Variants in CFAP97D2 observed in about 807,000 individuals in gnomAD.
CFAP97D2 encodes the protein uncharacterized protein CFAP97D2.
chr13:114,202,773 GC>G, intron 3 of CFAP97D2, among the ~76,000 whole-genome samples: 1 of 152,332 alleles, frequency 6.6e-6, no homozygotes, highest in African/African-American at 2.4e-5. Context: ...TGGATGCTTA[GC>G]CTGCAGCCTT....
intron 3 of CFAP97D2, among the ~76,000 whole-genome samples, chr13:114,202,200 T>C (rs946692921): frequency 6.6e-6 from 1 of 152,248 alleles, no homozygotes; most frequent in Admixed American, 6.5e-5. Context: ...CATTCACCTG[T>C]TGATGAGCAT....
chr13:114,192,036 TATGGAGACA>T (rs1384614520), intron 1 of CFAP97D2, among the ~76,000 whole-genome samples: 1 of 112,806 alleles, frequency 8.9e-6, no homozygotes, highest in Non-Finnish European at 1.6e-5. Context: ...CAAAGTTTAC[TATGGAGACA>T]GTAAAAAGAT....
chr13:114,206,315 C>T (rs376207143), intron 3 of CFAP97D2, among the ~76,000 whole-genome samples: 1 of 152,230 alleles, frequency 6.6e-6, no homozygotes, highest in East Asian at 1.9e-4. Flanking sequence ...GTTGGCCAGG[C>T]TGGTCTTGAA....
chr13:114,222,691 A>G, downstream of CFAP97D2: 1 of 394,308 alleles, frequency 2.5e-6, no homozygotes, highest in Non-Finnish European at 4.5e-6. This position sits in a 1 kb window ranked among gnomAD's most constrained non-coding sequence, Gnocchi z 4.4. Flanking sequence ...AGTGTGGGGA[A>G]TCAGCCTTGC....
chr13:114,184,973 C>T (rs1037506356), intron 1 of CFAP97D2, among the ~76,000 whole-genome samples: 3 of 152,154 alleles, frequency 2.0e-5, no homozygotes, highest in South Asian at 2.1e-4. Context: ...ATAAGTGAAA[C>T]GAATAAGCAG....
In CFAP97D2 at chr13:114,207,278, C is replaced by T. The variant is rs189116959; in HGVS notation, c.291-4634C>T. 2.7e-3 allele frequency among the ~76,000 whole-genome samples: 413 copies of T among 152,268 alleles called. 3 individuals carry two copies. The highest frequency in any genetic ancestry group is 4.7e-3 in the Non-Finnish European group (322 of 68,014). ...GGGGTTTATTTGCCACCATTGAGGA[C>T]GCTACTGGGATACGGCATGGACAGC... On this transcript the variant is annotated intron_variant, in intron 3 of 4. Coordinates refer to ENST00000646158, the Ensembl canonical transcript of CFAP97D2. This position sits in a 1 kb window ranked among gnomAD's most constrained non-coding sequence, Gnocchi z 4.9.
rs913555822 is a variant in CFAP97D2, at chr13:114,187,215, A to C, written c.90+7795A>C. Among the ~76,000 whole-genome samples, 1 of 152,214 alleles carries C rather than the reference A, an allele frequency of 6.6e-6. No individual in the cohort carries two copies. The highest frequency in any genetic ancestry group is 2.4e-5 in the African/African-American group (1 of 41,444). On this transcript the variant is annotated intron_variant, in intron 1 of 4. Coordinates refer to ENST00000646158, the Ensembl canonical transcript of CFAP97D2. This position sits in a 1 kb window ranked among gnomAD's most constrained non-coding sequence, Gnocchi z 4.2. The stretch of plus-strand genomic sequence containing the variant: ...TAAACTAAGAAGGGAGAGAAAATGG[A>C]ATCATATAAAATGCTCAATTAAAAC...
chr13:114,182,131 T>C (rs558228000), intron 1 of CFAP97D2, among the ~76,000 whole-genome samples: 118 of 147,608 alleles, frequency 8.0e-4, no homozygotes, highest in Middle Eastern at 3.4e-3. Context: ...AGGAAAGTAG[T>C]AGGAGAGCAG....
At chr13:114,213,557 C>T (rs114478528) in intron 4 of CFAP97D2, among the ~76,000 whole-genome samples, 152 of 147,460 alleles carry the variant, frequency 1.0e-3, no homozygotes, top group African/African-American at 3.3e-3. Context: ...CCATGAACCC[C>T]ACCCCTATGG....
intron 2 of CFAP97D2, among the ~76,000 whole-genome samples, chr13:114,197,030 T>G (rs1437041126): frequency 2.0e-5 from 3 of 152,180 alleles, no homozygotes; most frequent in Non-Finnish European, 2.9e-5. Context: ...GACAAGGGGT[T>G]GTGGAGACCG....
Position 114,210,727 on chromosome 13 carries a change from A to C in CFAP97D2, c.291-1185A>C, listed in dbSNP as rs554566028. On this transcript the variant is annotated intron_variant, in intron 3 of 4. Transcript: ENST00000646158. ...CCAGCCTACCAGATGGTTCCACCCA[A>C]ATGTTCCACCCCAGCTCAAGCCCAG... 5.3e-5 allele frequency among the ~76,000 whole-genome samples: 8 copies of C among 151,994 alleles called. No individual in the cohort carries two copies. The South Asian group carries it at 6.2e-4, about 12-fold the overall frequency.
intron 3 of CFAP97D2, among the ~76,000 whole-genome samples, chr13:114,202,440 G>C (rs1352907319): frequency 6.6e-6 from 1 of 152,180 alleles, no homozygotes; most frequent in Non-Finnish European, 1.5e-5. Context: ...TAGAGTCTCT[G>C]CTGTATGGTC....
At position 114,207,803 on chromosome 13, in the gene CFAP97D2, G is replaced by T. The variant is rs979717749; in HGVS notation, c.291-4109G>T. ...GTTCTCATGTAGCCAACTAGACTTTGTCACCACCACCATTTTTTTCCCTAG... is the reference window on the plus strand; with the variant it reads ...GTTCTCATGTAGCCAACTAGACTTTTTCACCACCACCATTTTTTTCCCTAG... On this transcript the variant is annotated intron_variant, in intron 3 of 4. Coordinates refer to ENST00000646158, the Ensembl canonical transcript of CFAP97D2. This position sits in a 1 kb window ranked among gnomAD's most constrained non-coding sequence, Gnocchi z 4.9. Among the ~76,000 whole-genome samples, 1 of 152,132 alleles carries T rather than the reference G, an allele frequency of 6.6e-6. No homozygotes were observed. The highest frequency in any genetic ancestry group is 1.5e-5 in the Non-Finnish European group (1 of 68,036).
chr13:114,209,961 T>C (rs575640244), intron 3 of CFAP97D2, among the ~76,000 whole-genome samples: 14 of 152,334 alleles, frequency 9.2e-5, no homozygotes, highest in Admixed American at 2.0e-4. Flanking sequence ...CTTTTAAAGT[T>C]TAAAAAATAA....
intron 4 of CFAP97D2, chr13:114,215,548 T>G (rs1341911655): frequency 6.6e-6 from 1 of 152,230 alleles, no homozygotes; most frequent in Non-Finnish European, 1.5e-5. Flanking sequence ...ACCTTTCAGT[T>G]TTTAGTAAAT....
At chr13:114,204,752 C>T (rs925074077) in intron 3 of CFAP97D2, among the ~76,000 whole-genome samples, 1 of 152,138 alleles carries the variant, frequency 6.6e-6, no homozygotes, top group South Asian at 2.1e-4. Context: ...GGGAAATCAT[C>T]GTGACTTCAG....
intron 4 of CFAP97D2, among the ~76,000 whole-genome samples, chr13:114,212,439 C>T (rs930857452): frequency 2.0e-5 from 3 of 152,158 alleles, no homozygotes; most frequent in African/African-American, 7.2e-5. Flanking sequence ...GTTGGCCAGG[C>T]GCAGTGGCTC....
intron 1 of CFAP97D2, among the ~76,000 whole-genome samples, chr13:114,195,207 G>C (rs188413767): frequency 2.4e-4 from 37 of 152,282 alleles, no homozygotes; most frequent in African/African-American, 8.4e-4. Flanking sequence ...GCTTCTCTTC[G>C]TTCACACGTA....
chr13:114,201,958 C>T (rs929448409), intron 3 of CFAP97D2, among the ~76,000 whole-genome samples: 2 of 152,344 alleles, frequency 1.3e-5, no homozygotes, highest in African/African-American at 4.8e-5. Flanking sequence ...ACACCCATGA[C>T]ACCAGCACCC....
Sources: allele counts gnomAD v4.1 joint callset (sites outside exome capture counted in the v4.1 genomes callset), GRCh38; gene constraint gnomAD v4.1.1; non-coding constraint Gnocchi (gnomAD v3.1); transcripts MANE v1.5; gene names NCBI Gene and HGNC (gene_info 2026-07-23, HGNC 2026-07-21).